UBL7: variants seen among roughly 807,000 people sequenced by gnomAD.
UBL7 encodes the protein ubiquitin-like protein 7.
UBL7 carries 21 observed loss-of-function variants against 41.7 expected under a neutral mutation model. The observed-to-expected ratio is 0.50, with a 90% confidence interval of 0.36 to 0.73. The LOEUF (loss-of-function observed/expected upper bound fraction) is 0.73, where lower values mean the gene tolerates loss of function less well. Ranked by LOEUF, UBL7 falls within the 30% of genes least tolerant of loss-of-function variation. The probability of loss-of-function intolerance (pLI) is 0.00; values close to 1 mark genes in which losing one functional copy is unlikely to be tolerated. For missense variants in UBL7, 403 were observed against 478.4 expected (o/e 0.84, Z 1.47); for synonymous variants, 157 against 186.9 (o/e 0.84, Z 1.31).
At position 74,458,887 on chromosome 15, in the gene UBL7, C is replaced by G. The variant is rs1303208017; in HGVS notation, c.-20G>C. 12 of 1,605,288 alleles carry G rather than the reference C, an allele frequency of 7.5e-6. No individual in the cohort carries two copies. In the South Asian group the frequency reaches 1.3e-4, roughly 18 times the overall value. On this transcript the variant is annotated 5_prime_UTR_variant, in exon 2 of 11. Transcript: ENST00000395081. ...AGACATCCTCTCTCTTTCGCGCTCT[C>G]TCTTTCTCCCTGTAAAAGAACAAAA...
chr15:74,450,459 G>A (rs2061232909), intron 6 of UBL7, among the ~76,000 whole-genome samples: 1 of 152,146 alleles, frequency 6.6e-6, no homozygotes, highest in Non-Finnish European at 1.5e-5. Context: ...CTTGCAAAAT[G>A]AGGACATGTC....
intron 2 of UBL7, among the ~76,000 whole-genome samples, chr15:74,458,383 C>T (rs1204237429): frequency 1.3e-4 from 19 of 151,860 alleles, no homozygotes; most frequent in Non-Finnish European, 2.5e-4. Context: ...TGCAGTGAGC[C>T]GAGATCGCAC....
chr15:74,458,883 C>T lies in UBL7; in HGVS notation c.-16G>A. On this transcript the variant is annotated 5_prime_UTR_variant, in exon 2 of 11. Transcript: ENST00000395081. ...AGAGAGACATCCTCTCTCTTTCGCG[C>T]TCTCTCTTTCTCCCTGTAAAAGAAC... 2 of 1,605,870 alleles carry T rather than the reference C, an allele frequency of 1.2e-6. No individual in the cohort carries two copies. The highest frequency in any genetic ancestry group is 1.7e-6 in the Non-Finnish European group (2 of 1,179,806).
chr15:74,450,497 T>C (rs919424204), intron 6 of UBL7, among the ~76,000 whole-genome samples: 5 of 152,232 alleles, frequency 3.3e-5, no homozygotes, highest in African/African-American at 9.6e-5. Context: ...TTTACGGATC[T>C]GTACACCTGC....
chr15:74,458,372 T>C (rs2061313131), intron 2 of UBL7, among the ~76,000 whole-genome samples: 1 of 151,966 alleles, frequency 6.6e-6, no homozygotes, highest in African/African-American at 2.4e-5. Flanking sequence ...GAGACAGAGG[T>C]TGCAGTGAGC....
Position 74,450,801 on chromosome 15 carries a change from C to T in UBL7, c.530+1G>A, listed in dbSNP as rs771984820. On this transcript the variant is annotated splice_donor_variant, in intron 6 of 10. Coordinates refer to ENST00000395081, the MANE Select transcript of UBL7 (RefSeq NM_032907.5). LOFTEE classifies it high-confidence loss of function. The stretch of plus-strand genomic sequence containing the variant: ...CCCTCTAATAGGACAGGTACACTTA[C>T]GTATCAAGCATATTGGGATCAGCGA... 6.8e-6 allele frequency: 11 copies of T among 1,613,100 alleles called. No homozygotes were observed. The highest frequency in any genetic ancestry group is 3.3e-4 in the Middle Eastern group (2 of 6,072).
At chr15:74,452,459 T>C in intron 3 of UBL7, 81 bp from the exon 4 acceptor site, 1 of 1,404,782 alleles carries the variant, frequency 7.1e-7, no homozygotes, top group Non-Finnish European at 9.8e-7. Flanking sequence ...TTTCAGCATG[T>C]GCCAAGGAGC....
intron 10 of UBL7, among the ~76,000 whole-genome samples, chr15:74,447,992 C>G (rs1225343976): frequency 6.6e-6 from 1 of 152,220 alleles, no homozygotes; most frequent in African/African-American, 2.4e-5. Flanking sequence ...TAACTTCTAA[C>G]TAATTCTTCT....
Position 74,449,084 on chromosome 15 carries a change from AC to A in UBL7, c.882+101del, listed in dbSNP as rs2022289784. On this transcript the variant is annotated intron_variant, in intron 9 of 10. Transcript: ENST00000395081. ...ACCAGGACTCCAGGGTTCAGCTTAA[AC>A]TAGATCTAGCACCAGGGTCAGCAAA... The A allele has an allele frequency of 2.2e-6, 3 of 1,391,430 alleles. No homozygotes were observed. The Admixed American group carries it at 7.4e-5, about 34-fold the overall frequency. The allele number at this position is 1,391,430 out of a possible 1,614,324, so 86.2% of individuals were successfully genotyped here.
chr15:74,451,390 C>G (rs1567088832), intron 5 of UBL7, 46 bp downstream of exon 5: 1 of 1,532,538 alleles, frequency 6.5e-7, no homozygotes, highest in East Asian at 2.3e-5. Flanking sequence ...CCTGTTTTCT[C>G]CTTTTCCGAC....
At chr15:74,460,730 G>A in intron 1 of UBL7, 2 of 1,288,916 alleles carry the variant, frequency 1.6e-6, no homozygotes, top group Non-Finnish European at 2.0e-6. Flanking sequence ...ATCTTGCAAA[G>A]CAAGATAAGT....
chr15:74,450,342 AG>A (rs1441946428), intron 6 of UBL7, among the ~76,000 whole-genome samples: 1 of 152,182 alleles, frequency 6.6e-6, no homozygotes. Context: ...TGGGAGGCTC[AG>A]GGTTCTGGCC....
intron 2 of UBL7, 47 bp downstream of exon 2, chr15:74,458,637 C>T (rs530465808): frequency 6.5e-7 from 1 of 1,541,352 alleles, no homozygotes; most frequent in Non-Finnish European, 8.9e-7. Context: ...TATCCTCCCC[C>T]AAAAGAGATC....
intron 1 of UBL7, among the ~76,000 whole-genome samples, chr15:74,460,046 A>G (rs2061334392): frequency 1.3e-5 from 2 of 150,994 alleles, no homozygotes; most frequent in Admixed American, 1.3e-4. Context: ...GTTTGAAACC[A>G]GCCTGGCCAA....
At chr15:74,450,176 C>CATTG in intron 6 of UBL7, 107 bp from the exon 7 acceptor site, 1 of 1,322,692 alleles carries the variant, frequency 7.6e-7, no homozygotes, top group Non-Finnish European at 1.0e-6. Flanking sequence ...CCTGTGCCTG[C>CATTG]TCTCAAATTC....
chr15:74,448,420 C>T, intron 10 of UBL7, 58 bp downstream of exon 10: 2 of 1,606,708 alleles, frequency 1.2e-6, no homozygotes, highest in South Asian at 2.2e-5. Flanking sequence ...AAAACAAAGG[C>T]TGGGCATCCA....
intron 3 of UBL7, among the ~76,000 whole-genome samples, chr15:74,454,845 G>A (rs2061280521): frequency 6.6e-6 from 1 of 152,218 alleles, no homozygotes; most frequent in Non-Finnish European, 1.5e-5. Context: ...CTAGAAGGAA[G>A]GAAAACTAGA....
intron 1 of UBL7, chr15:74,459,102 C>T (rs2061322182): frequency 1.9e-6 from 1 of 528,028 alleles, no homozygotes; most frequent in Non-Finnish European, 3.4e-6. Flanking sequence ...GTTTCTTCAT[C>T]CCTAACGTGG....
chr15:74,452,526 C>A, intron 3 of UBL7, 148 bp from the exon 4 acceptor site: 1 of 720,464 alleles, frequency 1.4e-6, no homozygotes, highest in Admixed American at 2.5e-5. Context: ...AGTGCCTGCT[C>A]AGAAAAACCC....
Sources: allele counts gnomAD v4.1 joint callset (sites outside exome capture counted in the v4.1 genomes callset), GRCh38; gene constraint gnomAD v4.1.1; transcripts MANE v1.5; gene names NCBI Gene and HGNC (gene_info 2026-07-23, HGNC 2026-07-21).